The following PAK5 variants were observed in gnomAD, a reference collection of about 807,000 sequenced individuals.
PAK5 encodes the protein p21 (RAC1) activated kinase 5.
Under a neutral mutation model 65.9 loss-of-function variants are expected in PAK5, and 16 were observed. The observed-to-expected ratio is 0.24, with a 90% CI of 0.16 to 0.37. The LOEUF (loss-of-function observed/expected upper bound fraction) is 0.37. PAK5 is among the 10% of genes least tolerant of loss of function. The pLI, the probability that PAK5 is intolerant of heterozygous loss-of-function variation, is 1.00. For synonymous variants in PAK5, 371 were observed against 354.9 expected, an observed-to-expected ratio of 1.05 and a Z score of -0.51; for missense variants, 785 against 903.9, an observed-to-expected ratio of 0.87 and a Z score of 1.69.
intron 3 of PAK5, among the ~76,000 whole-genome samples, chr20:9,612,602 C>T (rs144715002): frequency 2.5e-4 from 38 of 152,210 alleles, no homozygotes; most frequent in South Asian, 4.1e-4. Flanking sequence ...AGTACCAAGA[C>T]GGTTGGTGCT....
At chr20:9,804,974 T>G (rs1188424835) in intron 1 of PAK5, among the ~76,000 whole-genome samples, 1 of 152,170 alleles carries the variant, frequency 6.6e-6, no homozygotes, top group East Asian at 1.9e-4. Context: ...ATGCTAATAT[T>G]ATATCTGATA....
Position 9,591,993 on chromosome 20 carries a change from T to C in PAK5, c.205-11063A>G, listed in dbSNP as rs367679173. ...TAAAGTTGGTATTGTAACTATGCAC[T>C]GTAATTCATATTTCAGAAATTGACT... On this transcript the variant is annotated intron_variant, in intron 3 of 9. Coordinates refer to ENST00000353224, the MANE Select transcript of PAK5 (RefSeq NM_177990.4). 5.9e-5 allele frequency among the ~76,000 whole-genome samples: 9 copies of C among 152,356 alleles called. No homozygotes were observed. In the East Asian group the frequency reaches 1.5e-3, roughly 26 times the overall value.
rs1204846806 is a variant in PAK5, at chr20:9,620,649, C to T, written c.204+23476G>A. On this transcript the variant is annotated intron_variant, in intron 3 of 9. Coordinates refer to ENST00000353224, the MANE Select transcript of PAK5 (RefSeq NM_177990.4). ...CTCACAGTGATATGGGGACCCAAGA[C>T]CGTGAACTATGGCACCATGGATTTC... Among the ~76,000 whole-genome samples the T allele has an allele frequency of 9.9e-5, 15 of 152,260 alleles. 1 individual carries two copies. In the Middle Eastern group the frequency reaches 0.01, roughly 104 times the overall value.
chr20:9,568,686 G>A (rs2045724089), intron 4 of PAK5, among the ~76,000 whole-genome samples: 2 of 152,192 alleles, frequency 1.3e-5, no homozygotes, highest in South Asian at 4.1e-4. Flanking sequence ...CTTTGGAAGG[G>A]TTGGGTGCAG....
chr20:9,831,202 G>A (rs1043975487), intron 1 of PAK5, among the ~76,000 whole-genome samples: 4 of 152,208 alleles, frequency 2.6e-5, no homozygotes, highest in Non-Finnish European at 4.4e-5. Flanking sequence ...AAGCTGTTTT[G>A]GGGGGTGTGT....
At chr20:9,715,373 G>A (rs1000152037) in intron 1 of PAK5, among the ~76,000 whole-genome samples, 26 of 151,970 alleles carry the variant, frequency 1.7e-4, no homozygotes, top group East Asian at 1.4e-3. Context: ...TTAGAATGGC[G>A]ATCATTAAAA....
chr20:9,706,624 G>A (rs1349718857), intron 2 of PAK5, among the ~76,000 whole-genome samples: 1 of 150,724 alleles, frequency 6.6e-6, no homozygotes, highest in Non-Finnish European at 1.5e-5. Flanking sequence ...AACCACAGGT[G>A]CATGCCACCA....
intron 4 of PAK5, among the ~76,000 whole-genome samples, chr20:9,570,242 C>T (rs1257610508): frequency 1.3e-5 from 2 of 151,868 alleles, no homozygotes; most frequent in African/African-American, 2.4e-5. Context: ...AATGAGAATG[C>T]AAAATAAAAT....
chr20:9,718,379 C>T (rs6118709), intron 1 of PAK5, among the ~76,000 whole-genome samples: 51,948 of 151,800 alleles, frequency 0.34, 9,756 homozygotes, highest in South Asian at 0.52. Flanking sequence ...CAATTTAGAA[C>T]GGCTGTTGTA....
chr20:9,751,248 A>G (rs958202741), intron 1 of PAK5, among the ~76,000 whole-genome samples: 2 of 152,178 alleles, frequency 1.3e-5, no homozygotes, highest in Non-Finnish European at 2.9e-5. Flanking sequence ...ACACAAACAC[A>G]TTTAGATGCT....
chr20:9,651,408 G>A (rs1431384597), intron 2 of PAK5, among the ~76,000 whole-genome samples: 1 of 152,196 alleles, frequency 6.6e-6, no homozygotes, highest in Admixed American at 6.5e-5. Context: ...AGGTGGACAC[G>A]CAGAGGTAGA....
rs546513239 is a variant in PAK5, at chr20:9,759,324, C to T, written c.-161-47889G>A. 5.3e-5 allele frequency among the ~76,000 whole-genome samples: 8 copies of T among 152,268 alleles called. No homozygotes were observed. In the East Asian group the frequency reaches 1.5e-3, roughly 29 times the overall value. ...ACATTTGTCAGAACCTGTTTCTTAT[C>T]ATATCCTATAGATAAGTGTTCCTCT... is the stretch of plus-strand genomic sequence containing the variant. On this transcript the variant is annotated intron_variant, in intron 1 of 9. Transcript: ENST00000353224.
intron 1 of PAK5, among the ~76,000 whole-genome samples, chr20:9,768,401 C>T: frequency 6.6e-6 from 1 of 151,948 alleles, no homozygotes; most frequent in East Asian, 1.9e-4. Flanking sequence ...GGGTACTATG[C>T]CCATACCTGC....
intron 1 of PAK5, among the ~76,000 whole-genome samples, chr20:9,760,658 TTTTTC>T (rs1216298128): frequency 1.1e-3 from 156 of 139,370 alleles, no homozygotes; most frequent in African/African-American, 3.8e-3. Flanking sequence ...ACATTTATCT[TTTTTC>T]TTTTCTTTTC....
chr20:9,829,824 C>A (rs1258232916), intron 1 of PAK5, among the ~76,000 whole-genome samples: 1 of 152,118 alleles, frequency 6.6e-6, no homozygotes, highest in East Asian at 1.9e-4. Flanking sequence ...ACGTAGAAGC[C>A]AGATTTAAAT....
At chr20:9,818,360 T>C (rs902261083) in intron 1 of PAK5, among the ~76,000 whole-genome samples, 2 of 152,204 alleles carry the variant, frequency 1.3e-5, no homozygotes, top group African/African-American at 2.4e-5. Flanking sequence ...TACTGGTCCA[T>C]GCTGTGTTCA....
rs1350544282 is a variant in PAK5, at chr20:9,838,396, G to T, written c.-162+366C>A. On this transcript the variant is annotated intron_variant, in intron 1 of 9. Transcript: ENST00000353224. The surrounding 1 kb of genome is among the most constrained non-coding windows in gnomAD (Gnocchi z 4.5). ...GCGTGCGCTGCTGTATACACACAAAGAACTGGTGCTGGGCTTGCGAGCAGT... is the reference window on the plus strand; with the variant it reads ...GCGTGCGCTGCTGTATACACACAAATAACTGGTGCTGGGCTTGCGAGCAGT... Among the ~76,000 whole-genome samples, 2 of 152,140 alleles carry T rather than the reference G, an allele frequency of 1.3e-5. No homozygotes were observed. The highest frequency in any genetic ancestry group is 2.1e-4 in the South Asian group (1 of 4,834).
At chr20:9,832,007 G>T (rs1978757300) in intron 1 of PAK5, among the ~76,000 whole-genome samples, 2 of 151,964 alleles carry the variant, frequency 1.3e-5, no homozygotes, top group South Asian at 4.2e-4. Context: ...AAATTGTGGT[G>T]AAGTTTGTTT....
At chr20:9,802,583 G>C (rs983909046) in intron 1 of PAK5, among the ~76,000 whole-genome samples, 3 of 151,882 alleles carry the variant, frequency 2.0e-5, no homozygotes, top group Non-Finnish European at 2.9e-5. Context: ...ATTTTTTATT[G>C]TTTTGAATAT....
Sources: allele counts gnomAD v4.1 joint callset (sites outside exome capture counted in the v4.1 genomes callset), GRCh38; gene constraint gnomAD v4.1.1; non-coding constraint Gnocchi (gnomAD v3.1); transcripts MANE v1.5; gene names NCBI Gene and HGNC (gene_info 2026-07-23, HGNC 2026-07-21).